Variants in NCOA3 observed in about 807,000 individuals in gnomAD.
NCOA3 encodes CBP-interacting protein.
Under a neutral mutation model 158.8 loss-of-function variants are expected in NCOA3, and 51 were observed. That is an observed-to-expected ratio of 0.32 (90% confidence interval 0.26 to 0.41). The LOEUF (loss-of-function observed/expected upper bound fraction) is 0.41. NCOA3 is among the 10% of genes least tolerant of loss of function. The pLI, the probability that NCOA3 is intolerant of heterozygous loss-of-function variation, is 1.00. For missense variants in NCOA3, 1,510 were observed against 1,746.6 expected, an observed-to-expected ratio of 0.86 and a Z score of 2.41; for synonymous variants, 537 against 592.4, an observed-to-expected ratio of 0.91 and a Z score of 1.36.
chr20:47,526,849 G>C (rs1302402421), intron 1 of NCOA3, among the ~76,000 whole-genome samples: 1 of 152,126 alleles, frequency 6.6e-6, no homozygotes, highest in Non-Finnish European at 1.5e-5. Flanking sequence ...TACCATGTTG[G>C]CTAGGCTGGT....
At chr20:47,612,104 A>G (rs2146279909) in intron 2 of NCOA3, among the ~76,000 whole-genome samples, 1 of 152,302 alleles carries the variant, frequency 6.6e-6, no homozygotes, top group Admixed American at 6.5e-5. Flanking sequence ...TGAGATTACA[A>G]GTGTGAGCCA....
chr20:47,503,662 C>T (rs993185349), intron 1 of NCOA3, among the ~76,000 whole-genome samples: 3 of 152,298 alleles, frequency 2.0e-5, no homozygotes, highest in South Asian at 4.1e-4. Context: ...GGAAAAAGCT[C>T]TTCAGAACTT....
At chr20:47,581,273 A>G (rs1292404941) in intron 1 of NCOA3, among the ~76,000 whole-genome samples, 1 of 152,164 alleles carries the variant, frequency 6.6e-6, no homozygotes, top group Non-Finnish European at 1.5e-5. Context: ...AAGAAATCTG[A>G]AAAAAATTCG....
intron 1 of NCOA3, among the ~76,000 whole-genome samples, chr20:47,543,647 C>G (rs1253113412): frequency 6.6e-6 from 1 of 151,952 alleles, no homozygotes; most frequent in Non-Finnish European, 1.5e-5. Context: ...GTAGCTGGGA[C>G]TACTGGTGCG....
intron 18 of NCOA3, among the ~76,000 whole-genome samples, chr20:47,648,306 T>G (rs1017230487): frequency 1.1e-4 from 16 of 152,188 alleles, no homozygotes; most frequent in African/African-American, 3.9e-4. Flanking sequence ...TGTATTCATT[T>G]TACTTTCTGC....
rs1337953932 is a variant in NCOA3 at position 47,511,540 on chromosome 20, T to TACACAC, written c.-99+9522_-99+9523insCACACA. ...CTCTCTCGAGATATATATATATATA[T>TACACAC]ATATATATATATATATTTCTTTTTT... On this transcript the variant is annotated intron_variant, in intron 1 of 22. Transcript: ENST00000371998. Among the ~76,000 whole-genome samples, 77 of 22,662 alleles carry TACACAC rather than the reference T, an allele frequency of 3.4e-3. 5 individuals carry two copies. The highest frequency in any genetic ancestry group is 5.6e-3 in the African/African-American group (68 of 12,158). 14.9% of individuals were successfully genotyped at this position (22,662 alleles called of 152,430 possible).
At position 47,639,203 on chromosome 20, in the gene NCOA3, G is replaced by T; in HGVS notation, c.2707+1G>T. The T allele has an allele frequency of 6.2e-7, 1 of 1,606,034 alleles. No homozygotes were observed. The highest frequency in any genetic ancestry group is 8.5e-7 in the Non-Finnish European group (1 of 1,173,336). On this transcript the variant is annotated splice_donor_variant, in intron 14 of 22. Transcript: ENST00000371998. LOFTEE classifies it high-confidence loss of function. ...CAGGAAAATTATGGCTCAAGTATGGGTACGTTATTTCTAATTAGTATGTAT... is the reference window on the plus strand; with the variant it reads ...CAGGAAAATTATGGCTCAAGTATGGTTACGTTATTTCTAATTAGTATGTAT...
At chr20:47,587,770 G>A (rs932258615) in intron 2 of NCOA3, among the ~76,000 whole-genome samples, 2 of 151,950 alleles carry the variant, frequency 1.3e-5, no homozygotes, top group South Asian at 2.1e-4. Flanking sequence ...GGCCGACTTC[G>A]CATGTGTTCA....
intron 2 of NCOA3, among the ~76,000 whole-genome samples, chr20:47,621,595 C>G (rs1057083443): frequency 1.3e-5 from 2 of 150,642 alleles, no homozygotes; most frequent in African/African-American, 4.9e-5. Flanking sequence ...AAGTACTCTA[C>G]ATTTATCTTC....
At chr20:47,601,148 C>T (rs560829119) in intron 2 of NCOA3, among the ~76,000 whole-genome samples, 2 of 152,236 alleles carry the variant, frequency 1.3e-5, no homozygotes, top group African/African-American at 4.8e-5. Context: ...TGTGCCATGT[C>T]GTAACACCAC....
chr20:47,639,684 G>A lies in NCOA3; in HGVS notation c.2815G>A (p.Gly939Arg). The change falls in exon 15 of 23, where the codon GGA becomes AGA. Residue 939 changes from glycine to arginine, a missense_variant. By Grantham distance (125) the Gly-to-Arg change is moderately radical. Coordinates refer to ENST00000371998, the MANE Select transcript of NCOA3 (RefSeq NM_181659.3). ...RMEPMNSNSMGRPGGDYNTSL... is the reference protein window; with the variant it reads ...RMEPMNSNSMRRPGGDYNTSL... ...GGAACCTATGAATTCAAACTCCATG[G>A]GAAGACCAGGAGGAGATTATAATAC... 2 of 1,614,106 alleles carry A rather than the reference G, an allele frequency of 1.2e-6. No individual in the cohort carries two copies.
chr20:47,507,302 A>G (rs988099783), intron 1 of NCOA3, among the ~76,000 whole-genome samples: 7 of 152,312 alleles, frequency 4.6e-5, no homozygotes, highest in Non-Finnish European at 1.0e-4. Flanking sequence ...TATTGTAACA[A>G]TTTGACAAGT....
At chr20:47,652,877 C>T (rs1469363050) in intron 21 of NCOA3, 54 bp from the exon 22 acceptor site, 1 of 1,589,512 alleles carries the variant, frequency 6.3e-7, no homozygotes, top group Non-Finnish European at 8.6e-7. Context: ...GTGGGCATGC[C>T]CTTTGTCGCT....
chr20:47,633,506 C>T lies in NCOA3; in HGVS notation c.834C>T (p.Val278=), dbSNP rs926714511. 1 of 1,609,138 alleles carries T rather than the reference C, an allele frequency of 6.2e-7. No individual in the cohort carries two copies. Among genetic ancestry groups the T allele is most frequent in the Non-Finnish European group, 8.5e-7 (1 of 1,178,424 alleles). ...TTTTTTGTTTAATAGGAAAGGTTGTCAATATAGATACAAATTCACTGAGAT... is the reference window on the plus strand; with the variant it reads ...TTTTTTGTTTAATAGGAAAGGTTGTTAATATAGATACAAATTCACTGAGAT... ...ITRHDLSGKV[V]NIDTNSLRSS... is the part of the protein sequence containing the mutation. The change falls in exon 9 of 23, where the codon GTC becomes GTT. Residue 278 remains valine (V), a synonymous_variant. Coordinates refer to ENST00000371998, the MANE Select transcript of NCOA3 (RefSeq NM_181659.3).
intron 13 of NCOA3, 73 bp from the exon 14 acceptor site, chr20:47,638,935 G>A (rs1007032225): frequency 2.6e-6 from 3 of 1,172,832 alleles, no homozygotes; most frequent in Non-Finnish European, 3.5e-6. Context: ...GGGAGTGGTG[G>A]TATTTGTGTT....
intron 2 of NCOA3, among the ~76,000 whole-genome samples, chr20:47,592,252 C>T (rs1178637828): frequency 6.6e-6 from 1 of 152,098 alleles, no homozygotes; most frequent in African/African-American, 2.4e-5. Context: ...GCCATGTTGG[C>T]CAGGCTGGTC....
At chr20:47,634,920 C>CTTTT (rs66801245) in intron 10 of NCOA3, among the ~76,000 whole-genome samples, 3 of 120,114 alleles carry the variant, frequency 2.5e-5, no homozygotes, top group East Asian at 2.4e-4. Context: ...TTCTCTTCTT[C>CTTTT]TTTTTTTTTT....
intron 12 of NCOA3, 105 bp from the exon 13 acceptor site, chr20:47,637,543 G>A: frequency 1.1e-6 from 1 of 928,648 alleles, no homozygotes; most frequent in Non-Finnish European, 1.5e-6. Flanking sequence ...GGTAGTTTTT[G>A]TATTTTACTT....
At chr20:47,568,496 AC>A (rs962429449) in intron 1 of NCOA3, among the ~76,000 whole-genome samples, 112 of 152,244 alleles carry the variant, frequency 7.4e-4, no homozygotes, top group African/African-American at 2.6e-3. Flanking sequence ...CAATGTATAT[AC>A]CTTAATTAAA....
Sources: gnomAD v4.1 joint callset for allele counts (sites outside exome capture counted in the v4.1 genomes callset) on GRCh38, gnomAD v4.1.1 for gene constraint, MANE v1.5 for transcripts, NCBI Gene and HGNC (gene_info 2026-07-23, HGNC 2026-07-21) for gene names.